Variants in GPC5 observed in about 807,000 individuals in gnomAD.
GPC5 encodes glypican 5.
Under a neutral mutation model 53.9 loss-of-function variants are expected in GPC5, and 47 were observed. That is an observed-to-expected ratio of 0.87 (90% CI 0.69 to 1.11). GPC5 has a LOEUF of 1.11. Among genes scored for constraint, GPC5 ranks in the 50% most tolerant of loss-of-function variants. The pLI is 0.00. For missense variants in GPC5, 748 were observed against 713.1 expected, an observed-to-expected ratio of 1.05 and a Z score of -0.56; for synonymous variants, 286 against 263.3, an observed-to-expected ratio of 1.09 and a Z score of -0.84.
chr13:91,596,741 C>T (rs957900105), intron 2 of GPC5, among the ~76,000 whole-genome samples: 2 of 152,152 alleles, frequency 1.3e-5, no homozygotes, highest in Admixed American at 1.3e-4. Context: ...CTTCTGTGTA[C>T]TCTCTCCAGT....
intron 2 of GPC5, among the ~76,000 whole-genome samples, chr13:91,625,751 G>A (rs1200905363): frequency 6.6e-6 from 1 of 151,980 alleles, no homozygotes; most frequent in Middle Eastern, 3.2e-3. Context: ...ATGAATTGGA[G>A]AAACTTATCA....
intron 2 of GPC5, among the ~76,000 whole-genome samples, chr13:91,579,300 A>C (rs2032258765): frequency 6.6e-6 from 1 of 151,962 alleles, no homozygotes; most frequent in Non-Finnish European, 1.5e-5. Context: ...TTGAAAACTC[A>C]AATGTCCTCT....
At position 91,452,488 on chromosome 13, in the gene GPC5, G is replaced by A. The variant is rs114656432; in HGVS notation, c.325+3566G>A. Among the ~76,000 whole-genome samples, 746 of 152,162 alleles carry A rather than the reference G, an allele frequency of 4.9e-3. 4 individuals are homozygous for A. The highest frequency in any genetic ancestry group is 0.017 in the African/African-American group (691 of 41,512). On this transcript the variant is annotated intron_variant, in intron 2 of 7. Transcript: ENST00000377067. ...AACAATAACTGTTCTTCATTTTCAG[G>A]GGCTTAGTAATGTTCATGAATAAAG... is the stretch of plus-strand genomic sequence containing the variant.
At chr13:92,582,478 C>T (rs1346678285) in intron 7 of GPC5, among the ~76,000 whole-genome samples, 23 of 152,002 alleles carry the variant, frequency 1.5e-4, no homozygotes, top group Admixed American at 1.4e-3. Flanking sequence ...GATCAAGTTA[C>T]TTAGGCTATT....
chr13:92,866,843 T>C lies in GPC5; in HGVS notation c.*404T>C, dbSNP rs553171208. 2.0e-3 allele frequency: 301 copies of C among 153,714 alleles called. 1 individual carries two copies. Among genetic ancestry groups the C allele is most frequent in the Admixed American group, 3.1e-3 (48 of 15,348 alleles). 9.5% of individuals were successfully genotyped at this position (153,714 alleles called of 1,614,324 possible). ...CAATGAAAACAGTATGCAGTATTTC[T>C]TAAAGTATTGAAATTAGAATATCAT... On this transcript the variant is annotated 3_prime_UTR_variant, in exon 8 of 8. Transcript: ENST00000377067.
Position 92,145,482 on chromosome 13 carries a change from CA to C in GPC5, c.1561+504del, listed in dbSNP as rs377533178. Among the ~76,000 whole-genome samples, 394 of 139,498 alleles carry C rather than the reference CA, an allele frequency of 2.8e-3. 2 individuals are homozygous for C. The highest frequency in any genetic ancestry group is 7.4e-3 in the African/African-American group (283 of 38,172). 91.5% of individuals were successfully genotyped at this position (139,498 alleles called of 152,430 possible). A position where few individuals can be genotyped will look rare whatever the true frequency, so the allele number is the denominator to read the frequency against. On this transcript the variant is annotated intron_variant, in intron 7 of 7. Coordinates refer to ENST00000377067, the MANE Select transcript of GPC5 (RefSeq NM_004466.6). ...TTTAATGCTTATGAATTTCCCCTTC[CA>C]AAAAAAAAAACTCACTAAACATTGA...
intron 4 of GPC5, among the ~76,000 whole-genome samples, chr13:91,755,615 T>A (rs2037273167): frequency 1.3e-5 from 2 of 152,222 alleles, no homozygotes. Flanking sequence ...GAATTTTTCC[T>A]CTGATAATTG....
intron 1 of GPC5, among the ~76,000 whole-genome samples, chr13:91,411,984 T>C (rs1877828380): frequency 6.6e-6 from 1 of 152,260 alleles, no homozygotes; most frequent in African/African-American, 2.4e-5. Flanking sequence ...TTCATAATCA[T>C]GCTTCTGTTA....
At chr13:92,765,068 G>T (rs936311140) in intron 7 of GPC5, among the ~76,000 whole-genome samples, 1 of 152,112 alleles carries the variant, frequency 6.6e-6, no homozygotes, top group Non-Finnish European at 1.5e-5. Flanking sequence ...TCTTCAGAGG[G>T]TTTATTTAGT....
At chr13:91,774,001 C>T (rs1232618382) in intron 5 of GPC5, among the ~76,000 whole-genome samples, 1 of 152,142 alleles carries the variant, frequency 6.6e-6, no homozygotes, top group Non-Finnish European at 1.5e-5. Context: ...TCCTAATTAG[C>T]AATTTCCTGT....
At chr13:92,679,431 T>C (rs1004108746) in intron 7 of GPC5, among the ~76,000 whole-genome samples, 4 of 152,342 alleles carry the variant, frequency 2.6e-5, no homozygotes, top group African/African-American at 9.6e-5. Flanking sequence ...TAGGACTATA[T>C]CACTTAATTT....
chr13:92,298,825 T>C (rs2043056057), intron 7 of GPC5, among the ~76,000 whole-genome samples: 1 of 152,202 alleles, frequency 6.6e-6, no homozygotes, highest in African/African-American at 2.4e-5. Flanking sequence ...GTGAGAGCTG[T>C]AATCTCGTCC....
chr13:91,607,041 T>G (rs2033392224), intron 2 of GPC5, among the ~76,000 whole-genome samples: 1 of 152,096 alleles, frequency 6.6e-6, no homozygotes, highest in Non-Finnish European at 1.5e-5. Flanking sequence ...CTTTTAATTG[T>G]GATGTTAGGG....
intron 7 of GPC5, among the ~76,000 whole-genome samples, chr13:92,664,372 T>A (rs1360177373): frequency 2.7e-4 from 39 of 146,440 alleles, no homozygotes; most frequent in Non-Finnish European, 4.9e-4. Flanking sequence ...TTTTTTTTTT[T>A]ACTTAATCAA....
intron 6 of GPC5, among the ~76,000 whole-genome samples, chr13:91,964,130 C>T (rs921578061): frequency 2.6e-5 from 4 of 152,128 alleles, no homozygotes; most frequent in South Asian, 4.1e-4. Context: ...GAGTTTCTTC[C>T]TTCTGGTGGG....
intron 7 of GPC5, among the ~76,000 whole-genome samples, chr13:92,751,257 A>G (rs1051293843): frequency 1.4e-5 from 2 of 141,444 alleles, no homozygotes; most frequent in African/African-American, 5.1e-5. Flanking sequence ...AAAGGTACCT[A>G]CGTAAGAACA....
chr13:92,536,584 AAAG>A (rs2138995428), intron 7 of GPC5, among the ~76,000 whole-genome samples: 1 of 152,104 alleles, frequency 6.6e-6, no homozygotes, highest in East Asian at 1.9e-4. Flanking sequence ...AACAAAATGA[AAAG>A]AAAGTTTATG....
At chr13:92,730,644 T>C (rs1888775231) in intron 7 of GPC5, among the ~76,000 whole-genome samples, 2 of 151,334 alleles carry the variant, frequency 1.3e-5, no homozygotes, top group African/African-American at 4.8e-5. Context: ...TCCAGTATCA[T>C]TTATTGAAAA....
At chr13:91,407,118 A>G (rs1877381787) in intron 1 of GPC5, among the ~76,000 whole-genome samples, 1 of 152,176 alleles carries the variant, frequency 6.6e-6, no homozygotes, top group African/African-American at 2.4e-5. Context: ...CTAATAGGTT[A>G]TTTATTGTGT....
Sources: gnomAD v4.1 joint callset for allele counts (sites outside exome capture counted in the v4.1 genomes callset) on GRCh38, gnomAD v4.1.1 for gene constraint, MANE v1.5 for transcripts, NCBI Gene and HGNC (gene_info 2026-07-23, HGNC 2026-07-21) for gene names.